The following RAB6A variants were observed in gnomAD, a reference collection of about 807,000 sequenced individuals.
RAB6A encodes ras-related protein Rab-6A.
In RAB6A, 8 loss-of-function variants were observed where a neutral mutation model predicts 32.3. That is an observed-to-expected ratio of 0.25 (90% CI 0.15 to 0.45). The LOEUF (loss-of-function observed/expected upper bound fraction) is 0.45. RAB6A is among the 20% of genes least tolerant of loss of function. The pLI, the probability that RAB6A is intolerant of heterozygous loss-of-function variation, is 1.00. For missense variants in RAB6A, 104 were observed against 249.4 expected, an observed-to-expected ratio of 0.42 and a Z score of 3.93; for synonymous variants, 73 against 82.1, an observed-to-expected ratio of 0.89 and a Z score of 0.60.
chr11:73,730,563 G>A lies in RAB6A; in HGVS notation c.129+202C>T, dbSNP rs574250201. On this transcript the variant is annotated intron_variant, in intron 2 of 7. Transcript: ENST00000336083. The stretch of plus-strand genomic sequence containing the variant: ...TTGGAGATATATTTCAACAGACTTT[G>A]GAAGAGACAAAAGAAATCAAATGAT... 7.8e-6 allele frequency: 4 copies of A among 510,386 alleles called. No homozygotes were observed. In the East Asian group the frequency reaches 1.4e-4, roughly 18 times the overall value. The allele number at this position is 510,386 out of a possible 1,614,324, so 31.6% of individuals were successfully genotyped here. A position where few individuals can be genotyped will look rare whatever the true frequency, so the allele number is the denominator to read the frequency against.
intron 6 of RAB6A, among the ~76,000 whole-genome samples, chr11:73,685,918 TTTC>T (rs1945447478): frequency 7.3e-6 from 1 of 136,418 alleles, no homozygotes; most frequent in Non-Finnish European, 1.6e-5. Flanking sequence ...AGCAGCTTTA[TTTC>T]TACCAGAGAC....
intron 5 of RAB6A, among the ~76,000 whole-genome samples, chr11:73,714,938 C>T (rs1946030901): frequency 1.3e-5 from 2 of 152,046 alleles, no homozygotes; most frequent in African/African-American, 2.4e-5. Flanking sequence ...TGCATTCCAG[C>T]CTGGGCGACG....
rs191173712 is a variant in RAB6A, at chr11:73,720,838, T to C, written c.183+8A>G. 6.3e-4 allele frequency: 1,012 copies of C among 1,599,776 alleles called. 3 individuals are homozygous for C. The highest frequency in any genetic ancestry group is 3.6e-3 in the Middle Eastern group (22 of 6,028). On this transcript the variant is annotated splice_region_variant and intron_variant, in intron 3 of 7. Transcript: ENST00000336083. ...TGCAGAAAATTGCACACTGAAAATATTACTCACTGTTCGATCCTCCAAGTA... is the reference window on the plus strand; with the variant it reads ...TGCAGAAAATTGCACACTGAAAATACTACTCACTGTTCGATCCTCCAAGTA...
chr11:73,706,624 T>TG (rs748821842), intron 6 of RAB6A, among the ~76,000 whole-genome samples: 2 of 152,142 alleles, frequency 1.3e-5, no homozygotes, highest in African/African-American at 2.4e-5. Context: ...TGACCTATCT[T>TG]GTAGAAAATG....
intron 1 of RAB6A, among the ~76,000 whole-genome samples, chr11:73,743,304 CAAAAAAAAA>C (rs56400918): frequency 9.7e-6 from 1 of 103,354 alleles, no homozygotes; most frequent in Non-Finnish European, 2.0e-5. Flanking sequence ...AACTCTGTCT[CAAAAAAAAA>C]AAAAAAAAGA....
At chr11:73,682,075 T>A (rs1283120529) in intron 6 of RAB6A, among the ~76,000 whole-genome samples, 1 of 152,220 alleles carries the variant, frequency 6.6e-6, no homozygotes, top group African/African-American at 2.4e-5. Context: ...TGTAGCTGTA[T>A]AAATTACCAT....
chr11:73,760,184 A>C, intron 1 of RAB6A: 2 of 1,115,132 alleles, frequency 1.8e-6, no homozygotes, highest in South Asian at 2.6e-5. Flanking sequence ...AGAGCTGAGG[A>C]ACTGGGAAAA....
intron 6 of RAB6A, among the ~76,000 whole-genome samples, chr11:73,700,097 AAGG>A (rs1170099206): frequency 2.0e-5 from 3 of 152,178 alleles, no homozygotes; most frequent in Admixed American, 6.6e-5. Context: ...GTTGAAGATC[AAGG>A]AGTTTTTCTT....
chr11:73,717,590 A>C (rs1025835429), intron 4 of RAB6A, among the ~76,000 whole-genome samples: 1 of 152,324 alleles, frequency 6.6e-6, no homozygotes, highest in East Asian at 1.9e-4. Flanking sequence ...GATTACAGGC[A>C]TGCACCACCA....
At chr11:73,683,386 G>T (rs1369307251) in intron 6 of RAB6A, among the ~76,000 whole-genome samples, 2 of 150,760 alleles carry the variant, frequency 1.3e-5, no homozygotes, top group Non-Finnish European at 2.9e-5. Context: ...CTCCCAAGTA[G>T]CTGGGACTAC....
At chr11:73,755,531 G>A (rs548523304) in intron 1 of RAB6A, among the ~76,000 whole-genome samples, 5 of 152,282 alleles carry the variant, frequency 3.3e-5, no homozygotes, top group East Asian at 1.9e-4. Flanking sequence ...GACCTCAGGT[G>A]ATCCACCCAC....
intron 6 of RAB6A, among the ~76,000 whole-genome samples, chr11:73,685,885 C>CAAAAAAAAAAAAAAAAAAAA (rs56270679): frequency 3.9e-5 from 4 of 103,040 alleles, no homozygotes; most frequent in South Asian, 3.7e-4. Flanking sequence ...AACTCCGTCT[C>CAAAAAAAAAAAAAAAAAAAA]AAAAAAAAAA....
intron 2 of RAB6A, chr11:73,729,538 A>G (rs771726649): frequency 6.6e-6 from 1 of 151,932 alleles, no homozygotes; most frequent in Non-Finnish European, 1.5e-5. Flanking sequence ...TTTTGGTTTC[A>G]TTGATTTCCT....
intron 3 of RAB6A, among the ~76,000 whole-genome samples, chr11:73,719,413 T>C (rs750363588): frequency 2.0e-5 from 3 of 152,366 alleles, no homozygotes; most frequent in South Asian, 4.1e-4. Context: ...ATTTCTCCCA[T>C]ACATTTTCCC....
At chr11:73,737,126 C>A (rs1458017244) in intron 1 of RAB6A, among the ~76,000 whole-genome samples, 1 of 152,118 alleles carries the variant, frequency 6.6e-6, no homozygotes, top group African/African-American at 2.4e-5. Flanking sequence ...TAAAAGATAT[C>A]CAGAAAATGT....
At chr11:73,722,654 T>C (rs1196200312) in intron 2 of RAB6A, 1 of 151,938 alleles carries the variant, frequency 6.6e-6, no homozygotes, top group African/African-American at 2.4e-5. Context: ...TATCTTTATA[T>C]GAAAAATCAA....
chr11:73,732,208 C>CA (rs919120294), intron 1 of RAB6A, among the ~76,000 whole-genome samples: 7 of 151,180 alleles, frequency 4.6e-5, no homozygotes, highest in African/African-American at 9.7e-5. Flanking sequence ...AAAATGAATG[C>CA]AAAAAAAACC....
At chr11:73,722,343 A>AT (rs537309131) in intron 2 of RAB6A, 2 of 15,364 alleles carry the variant, frequency 1.3e-4, no homozygotes, top group African/African-American at 5.3e-4. Flanking sequence ...ATATATATAT[A>AT]TTTTTTTTTT....
intron 2 of RAB6A, chr11:73,722,335 ATATATATATTTTTTTTTTTT>A (rs1361750625): frequency 7.2e-4 from 8 of 11,114 alleles, no homozygotes; most frequent in African/African-American, 6.5e-4. Flanking sequence ...ATATATATAT[ATATATATATTTTTTTTTTTT>A]TTTTTTTTTT....
Sources: gnomAD v4.1 joint callset for allele counts (sites outside exome capture counted in the v4.1 genomes callset) on GRCh38, gnomAD v4.1.1 for gene constraint, MANE v1.5 for transcripts, NCBI Gene and HGNC (gene_info 2026-07-23, HGNC 2026-07-21) for gene names.